CRAMP1: variants seen among roughly 807,000 people sequenced by gnomAD.
The protein encoded by CRAMP1 is protein cramped-like.
In CRAMP1, 50 loss-of-function variants were observed where a neutral mutation model predicts 115.4. The ratio of observed to expected loss-of-function variants is 0.43; its 90% CI spans 0.35 to 0.55. The LOEUF (loss-of-function observed/expected upper bound fraction) is 0.55, where lower values mean the gene tolerates loss of function less well. Among genes scored for constraint, CRAMP1 ranks in the 20% least tolerant of loss-of-function variants. CRAMP1 has a pLI of 0.01. For missense variants in CRAMP1, 1,679 were observed against 1,721.7 expected (o/e 0.98, Z 0.44); for synonymous variants, 866 against 745.4 (o/e 1.16, Z -2.64).
At chr16:1,632,964 C>T (rs1009357600) in intron 4 of CRAMP1, among the ~76,000 whole-genome samples, 3 of 152,226 alleles carry the variant, frequency 2.0e-5, no homozygotes, top group Admixed American at 2.0e-4. Flanking sequence ...CTCCTGCCTC[C>T]GCCTATGAGA....
chr16:1,616,028 C>G (rs2036416079), intron 2 of CRAMP1, among the ~76,000 whole-genome samples: 1 of 152,174 alleles, frequency 6.6e-6, no homozygotes, highest in Non-Finnish European at 1.5e-5. Context: ...CATTCTCAAC[C>G]GAAGAAGGCT....
In CRAMP1 at chr16:1,666,377, G is replaced by A. The variant is rs760777332; in HGVS notation, c.2858-45G>A. 3 of 1,570,108 alleles carry A rather than the reference G, an allele frequency of 1.9e-6. No homozygotes were observed. In the African/African-American group the frequency reaches 4.1e-5, roughly 21 times the overall value. ...CCGAGCCCTCTTGGGACATCTTATG[G>A]GTTGTCAGTAGAGCAGAGATGTGCA... On this transcript the variant is annotated intron_variant, in intron 15 of 20. Coordinates refer to ENST00000397412, the MANE Select transcript of CRAMP1 (RefSeq NM_020825.4). The surrounding 1 kb of genome is among the most constrained non-coding windows in gnomAD (Gnocchi z 5.0).
chr16:1,644,064 T>C (rs1489160215), intron 6 of CRAMP1, among the ~76,000 whole-genome samples: 1 of 152,188 alleles, frequency 6.6e-6, no homozygotes, highest in Admixed American at 6.5e-5. Context: ...TGGGCGCTGA[T>C]GGGGAATTTG....
rs950072597 is a variant in CRAMP1 at position 1,666,878 on chromosome 16, A to G, written c.3036+278A>G. On this transcript the variant is annotated intron_variant, in intron 16 of 20. Transcript: ENST00000397412. This position sits in a 1 kb window ranked among gnomAD's most constrained non-coding sequence, Gnocchi z 5.0. ...CTCCATCTGAGAGTGACCATAACCA[A>G]GGTGGCAGCCCACAGCGCTGTGCTC... Among the ~76,000 whole-genome samples the G allele has an allele frequency of 3.9e-5, 6 of 152,226 alleles. No individual in the cohort carries two copies. The highest frequency in any genetic ancestry group is 1.2e-4 in the African/African-American group (5 of 41,462).
chr16:1,652,100 T>G (rs1160565548), intron 6 of CRAMP1, among the ~76,000 whole-genome samples: 1 of 152,088 alleles, frequency 6.6e-6, no homozygotes, highest in Non-Finnish European at 1.5e-5. Context: ...ACTGAGAGCT[T>G]CTGCTCTGAG....
intron 4 of CRAMP1, among the ~76,000 whole-genome samples, chr16:1,633,563 A>G (rs893604288): frequency 6.6e-6 from 1 of 152,148 alleles, no homozygotes; most frequent in Admixed American, 6.5e-5. Context: ...GTTTTGTCCT[A>G]TATTTGATGC....
Position 1,668,954 on chromosome 16 carries a change from C to T in CRAMP1, c.3335-47C>T, listed in dbSNP as rs746369504. 3.8e-6 allele frequency: 6 copies of T among 1,591,664 alleles called. No homozygotes were observed. In the Admixed American group the frequency reaches 8.5e-5, roughly 22 times the overall value. On this transcript the variant is annotated intron_variant, in intron 18 of 20. Coordinates refer to ENST00000397412, the MANE Select transcript of CRAMP1 (RefSeq NM_020825.4). ...TGGGCTGGAGAAGTGAGTTGCTGTT[C>T]ACCACCCCGCAACAAGGCGTTTCTG...
At chr16:1,661,014 C>CGA (rs2036824386) in intron 11 of CRAMP1, among the ~76,000 whole-genome samples, 1 of 148,476 alleles carries the variant, frequency 6.7e-6, no homozygotes, top group Admixed American at 6.7e-5. Flanking sequence ...ATCTCAAAAA[C>CGA]AAAAAAAAAC....
At chr16:1,665,652 A>G (rs1304857617) in intron 14 of CRAMP1, 2 of 223,122 alleles carry the variant, frequency 9.0e-6, no homozygotes, top group Non-Finnish European at 1.8e-5. Context: ...AACAGCTGTC[A>G]ATTGCTTTTT....
chr16:1,653,565 C>T (rs1382044765), intron 8 of CRAMP1, among the ~76,000 whole-genome samples: 1 of 152,230 alleles, frequency 6.6e-6, no homozygotes, highest in East Asian at 1.9e-4. Flanking sequence ...TGCAGAGGCT[C>T]ACGCCTATAA....
Position 1,676,133 on chromosome 16 carries a change from G to A in CRAMP1, c.*2088G>A, listed in dbSNP as rs1172020196. 1 of 152,288 alleles carries A rather than the reference G, an allele frequency of 6.6e-6. No individual in the cohort carries two copies. 9.4% of individuals were successfully genotyped at this position (152,288 alleles called of 1,614,324 possible). On this transcript the variant is annotated 3_prime_UTR_variant, in exon 21 of 21. Coordinates refer to ENST00000397412, the MANE Select transcript of CRAMP1 (RefSeq NM_020825.4). Reference sequence around the variant, plus strand: ...GGAGGGTTTGTGAACTGCCTGTCAGGGTACCTGTTAGCCCCTGACAACTCA... The same window carrying A: ...GGAGGGTTTGTGAACTGCCTGTCAGAGTACCTGTTAGCCCCTGACAACTCA...
chr16:1,654,199 G>A (rs143834775), intron 8 of CRAMP1, among the ~76,000 whole-genome samples: 2 of 150,676 alleles, frequency 1.3e-5, no homozygotes, highest in African/African-American at 4.9e-5. Context: ...AATGAACTTA[G>A]CCTTTTTTTA....
At chr16:1,650,303 G>A (rs374640668) in intron 6 of CRAMP1, among the ~76,000 whole-genome samples, 1 of 152,168 alleles carries the variant, frequency 6.6e-6, no homozygotes, top group Admixed American at 6.5e-5. Flanking sequence ...TCCATTAGAC[G>A]CCCTCAGCAG....
rs1203401254 is a variant in CRAMP1 at position 1,656,713 on chromosome 16, T to C, written c.1956T>C (p.Ser652=). ...EKGSPAGPPP[S]QGQPAARPPK... is the part of the protein sequence containing the mutation. ...GGAGCCCCGCGGGGCCTCCGCCGTC[T>C]CAGGGACAGCCTGCCGCCAGGCCCC... Residue 652 remains serine, a synonymous_variant, in exon 10 of 21, where the codon TCT becomes TCC. Transcript: ENST00000397412. The surrounding 1 kb of genome is among the most constrained non-coding windows in gnomAD (Gnocchi z 5.6). 6.4e-7 allele frequency: 1 copy of C among 1,554,454 alleles called. No individual in the cohort carries two copies. The highest frequency in any genetic ancestry group is 2.4e-5 in the East Asian group (1 of 41,124).
At position 1,662,707 on chromosome 16, in the gene CRAMP1, G is replaced by T. The variant is rs200545663; in HGVS notation, c.2595+36G>T. ...GGGGCCGGGCCGCCCGCGTGCGAGCGTCCCCGTGGTCTGGAGAGTGCACCT... is the reference window on the plus strand; with the variant it reads ...GGGGCCGGGCCGCCCGCGTGCGAGCTTCCCCGTGGTCTGGAGAGTGCACCT... On this transcript the variant is annotated intron_variant, in intron 12 of 20. Coordinates refer to ENST00000397412, the MANE Select transcript of CRAMP1 (RefSeq NM_020825.4). 5.6e-6 allele frequency: 9 copies of T among 1,613,654 alleles called. No individual in the cohort carries two copies. The South Asian group carries it at 9.9e-5, about 18-fold the overall frequency.
Position 1,669,172 on chromosome 16 carries a change from G to A in CRAMP1, c.3499+7G>A, listed in dbSNP as rs779402388. 1.3e-6 allele frequency: 2 copies of A among 1,571,008 alleles called. No homozygotes were observed. Among genetic ancestry groups the A allele is most frequent in the South Asian group, 2.3e-5 (2 of 85,406 alleles). On this transcript the variant is annotated splice_region_variant and intron_variant, in intron 19 of 20. Transcript: ENST00000397412. This position sits in a 1 kb window ranked among gnomAD's most constrained non-coding sequence, Gnocchi z 4.6. ...TCGCTCAGCAGCCTGTTTGGTGAGT[G>A]TATGGGGAGGGCTCCCATCTCCTTT... is the stretch of plus-strand genomic sequence containing the variant.
chr16:1,665,289 T>C (rs1354117980), intron 14 of CRAMP1, among the ~76,000 whole-genome samples, 151 bp downstream of exon 14: 1 of 152,222 alleles, frequency 6.6e-6, no homozygotes, highest in African/African-American at 2.4e-5. Context: ...CCCTATGTGC[T>C]GGGCTGCAGG....
Position 1,653,173 on chromosome 16 carries a change from C to A in CRAMP1, c.1037+17C>A. ...ACGCCTCAGGTAACATGGCCCTTGG[C>A]ACGCAGAGGGGTCCCAACTGCTTGA... On this transcript the variant is annotated intron_variant, in intron 8 of 20. Coordinates refer to ENST00000397412, the MANE Select transcript of CRAMP1 (RefSeq NM_020825.4). 1.2e-6 allele frequency: 2 copies of A among 1,602,782 alleles called. No individual in the cohort carries two copies. The highest frequency in any genetic ancestry group is 3.4e-5 in the Admixed American group (2 of 58,248).
rs545911276 is a variant in CRAMP1 at position 1,649,711 on chromosome 16, G to A, written c.828-2785G>A. ...TCACCGTGTTAACCAGGATGGTCTC[G>A]AGCTCCTGACCTCGTGATCTGCCTG... On this transcript the variant is annotated intron_variant, in intron 6 of 20. Coordinates refer to ENST00000397412, the MANE Select transcript of CRAMP1 (RefSeq NM_020825.4). Among the ~76,000 whole-genome samples the A allele has an allele frequency of 1.4e-4, 21 of 151,128 alleles. No individual in the cohort carries two copies. In the South Asian group the frequency reaches 1.5e-3, roughly 11 times the overall value.
Sources: allele counts gnomAD v4.1 joint callset (sites outside exome capture counted in the v4.1 genomes callset), GRCh38; gene constraint gnomAD v4.1.1; non-coding constraint Gnocchi (gnomAD v3.1); transcripts MANE v1.5; gene names NCBI Gene and HGNC (gene_info 2026-07-23, HGNC 2026-07-21).